Variants in PRELID2 observed in about 807,000 individuals in gnomAD.
PRELID2 encodes the protein PRELI domain containing 2, also known as PRELI domain-containing protein 2.
A neutral mutation model predicts 28.4 loss-of-function variants in PRELID2; 25 were observed. That is an observed-to-expected ratio of 0.88 (90% CI 0.64 to 1.23). The LOEUF (loss-of-function observed/expected upper bound fraction) is 1.23. Among genes scored for constraint, PRELID2 ranks in the 50% most tolerant of loss-of-function variants. PRELID2 has a pLI of 0.00. For synonymous variants in PRELID2, 76 were observed against 71.6 expected (o/e 1.06, Z -0.31); for missense variants, 201 against 214.4 (o/e 0.94, Z 0.39).
At chr5:145,810,022 C>T (rs1319372133) in intron 4 of PRELID2, among the ~76,000 whole-genome samples, 1 of 152,104 alleles carries the variant, frequency 6.6e-6, no homozygotes. Context: ...ATTTTAAAGA[C>T]CAGACACAAA....
chr5:145,450,982 T>A, the PRELID2 span: 1 of 152,186 alleles, frequency 6.6e-6, no homozygotes, highest in Non-Finnish European at 1.5e-5. Flanking sequence ...ATTGAGTCAC[T>A]TGACTTGGCC....
chr5:145,497,596 T>C (rs1298899952), intron 1 of PRELID2, among the ~76,000 whole-genome samples: 1 of 152,206 alleles, frequency 6.6e-6, no homozygotes, highest in East Asian at 1.9e-4. Context: ...AACGCCTGCA[T>C]ACTAGCTATT....
chr5:145,298,257 G>A, the PRELID2 span, among the ~76,000 whole-genome samples: 1 of 152,102 alleles, frequency 6.6e-6, no homozygotes, highest in East Asian at 1.9e-4. Context: ...GCATGGTACT[G>A]GTACCAAAAC....
At chr5:145,416,125 G>A in the PRELID2 span, among the ~76,000 whole-genome samples, 1 of 152,010 alleles carries the variant, frequency 6.6e-6, no homozygotes, top group Admixed American at 6.6e-5. Context: ...TTTTGATGGG[G>A]TTGTTTGTTT....
the PRELID2 span, among the ~76,000 whole-genome samples, chr5:145,390,165 G>C: frequency 6.6e-6 from 1 of 152,146 alleles, no homozygotes. Flanking sequence ...GATCAGAAAA[G>C]TCTCTTCAAG....
chr5:145,427,362 A>G, the PRELID2 span, among the ~76,000 whole-genome samples: 1 of 152,214 alleles, frequency 6.6e-6, no homozygotes, highest in African/African-American at 2.4e-5. Flanking sequence ...TTTATTAATC[A>G]GATTTAAGAC....
chr5:145,703,299 T>C (rs942823816), intron 1 of PRELID2, among the ~76,000 whole-genome samples: 3 of 152,226 alleles, frequency 2.0e-5, no homozygotes, highest in African/African-American at 7.2e-5. Flanking sequence ...ACTTCGTTGA[T>C]TCAGCAGTTT....
At chr5:145,269,658 C>A in the PRELID2 span, among the ~76,000 whole-genome samples, 1 of 151,156 alleles carries the variant, frequency 6.6e-6, no homozygotes, top group African/African-American at 2.4e-5. Context: ...TTTAAAACTT[C>A]TGGTAAACAA....
intron 1 of PRELID2, among the ~76,000 whole-genome samples, chr5:145,738,988 A>T (rs1756573491): frequency 1.3e-5 from 2 of 152,314 alleles, no homozygotes; most frequent in African/African-American, 4.8e-5. Flanking sequence ...TGGATTTATC[A>T]TCAGAAACCA....
At chr5:145,578,769 T>C (rs1753083511) in intron 1 of PRELID2, among the ~76,000 whole-genome samples, 1 of 152,094 alleles carries the variant, frequency 6.6e-6, no homozygotes, top group Non-Finnish European at 1.5e-5. Flanking sequence ...GCTTACTGTA[T>C]GATGCACAAT....
chr5:145,396,283 T>C, the PRELID2 span, among the ~76,000 whole-genome samples: 1 of 152,168 alleles, frequency 6.6e-6, no homozygotes, highest in South Asian at 2.1e-4. Flanking sequence ...AAATGCAGGT[T>C]CATTGTTCAG....
chr5:145,603,635 G>C (rs1753431118), intron 1 of PRELID2, among the ~76,000 whole-genome samples: 1 of 151,814 alleles, frequency 6.6e-6, no homozygotes, highest in Non-Finnish European at 1.5e-5. Context: ...GAGGGAAAAA[G>C]GATAAATATA....
intron 1 of PRELID2, among the ~76,000 whole-genome samples, chr5:145,545,461 A>C (rs1394275931): frequency 6.6e-6 from 1 of 151,204 alleles, no homozygotes; most frequent in Non-Finnish European, 1.5e-5. Flanking sequence ...AAAAAAAAAA[A>C]CCCTAATTTT....
At chr5:145,766,581 A>G (rs1757776099) in intron 5 of PRELID2, among the ~76,000 whole-genome samples, 1 of 152,214 alleles carries the variant, frequency 6.6e-6, no homozygotes, top group Admixed American at 6.5e-5. Context: ...ATCACCACAA[A>G]TACTACCGTT....
At chr5:145,338,957 G>C in the PRELID2 span, among the ~76,000 whole-genome samples, 2 of 152,138 alleles carry the variant, frequency 1.3e-5, no homozygotes, top group African/African-American at 4.8e-5. Flanking sequence ...ACTAATTTTA[G>C]TCATAATTAT....
intron 5 of PRELID2, among the ~76,000 whole-genome samples, chr5:145,793,746 T>C (rs549407059): frequency 6.6e-6 from 1 of 152,290 alleles, no homozygotes; most frequent in South Asian, 2.1e-4. Flanking sequence ...ATTTCCTTTC[T>C]ACTCATTCCC....
the PRELID2 span, among the ~76,000 whole-genome samples, chr5:145,402,267 G>A: frequency 6.6e-6 from 1 of 152,144 alleles, no homozygotes. Flanking sequence ...TCTTGAGTGG[G>A]TAAAAGCTAA....
chr5:145,414,303 A>G, the PRELID2 span, among the ~76,000 whole-genome samples: 1 of 152,164 alleles, frequency 6.6e-6, no homozygotes, highest in African/African-American at 2.4e-5. Context: ...TTTCTATAGA[A>G]TCTTGGTTTA....
intron 1 of PRELID2, among the ~76,000 whole-genome samples, chr5:145,616,044 T>C (rs933078218): frequency 5.9e-5 from 9 of 152,208 alleles, no homozygotes; most frequent in Non-Finnish European, 1.0e-4. Context: ...AATTGTTTTG[T>C]TTGAGGAGGC....
Sources: gnomAD v4.1 joint callset for allele counts (sites outside exome capture counted in the v4.1 genomes callset) on GRCh38, gnomAD v4.1.1 for gene constraint, MANE v1.5 for transcripts, NCBI Gene and HGNC (gene_info 2026-07-23, HGNC 2026-07-21) for gene names.